The following PCDHGA2 variants were observed in gnomAD, a reference collection of about 807,000 sequenced individuals.
PCDHGA2 encodes protocadherin gamma-A2.
PCDHGA2 carries 40 observed loss-of-function variants against 59.2 expected under a neutral mutation model. The ratio of observed to expected loss-of-function variants is 0.68; its 90% CI spans 0.52 to 0.88. The LOEUF (loss-of-function observed/expected upper bound fraction) is 0.88, where lower values mean the gene tolerates loss of function less well. Ranked by LOEUF, PCDHGA2 falls within the 40% of genes least tolerant of loss-of-function variation. The pLI is 0.00. For missense variants in PCDHGA2, 1,226 were observed against 1,204.0 expected, an observed-to-expected ratio of 1.02 and a Z score of -0.27; for synonymous variants, 560 against 526.0, an observed-to-expected ratio of 1.06 and a Z score of -0.89.
chr5:141,449,471 G>A (rs1261821886), intron 1 of PCDHGA2, among the ~76,000 whole-genome samples: 1 of 151,060 alleles, frequency 6.6e-6, no homozygotes, highest in African/African-American at 2.4e-5. Flanking sequence ...GCCAGGCCTG[G>A]TACCCCATGC....
chr5:141,344,127 C>A (rs780910092), intron 1 of PCDHGA2: 3 of 1,614,022 alleles, frequency 1.9e-6, no homozygotes, highest in East Asian at 2.2e-5. Flanking sequence ...CGGTCAGATC[C>A]GCTACTCGGT....
intron 1 of PCDHGA2, chr5:141,410,095 C>T (rs2095356889): frequency 1.2e-6 from 2 of 1,612,676 alleles, no homozygotes; most frequent in Non-Finnish European, 1.7e-6. Flanking sequence ...CGGCTCGAGC[C>T]TTAGGCGACA....
At chr5:141,387,637 G>A (rs1397986235) in intron 1 of PCDHGA2, 14 of 603,144 alleles carry the variant, frequency 2.3e-5, no homozygotes, top group Non-Finnish European at 3.7e-5. Context: ...GGGCGCCGCT[G>A]TTGGCCAAAG....
chr5:141,414,556 T>G, intron 1 of PCDHGA2: 2 of 1,613,990 alleles, frequency 1.2e-6, no homozygotes, highest in Non-Finnish European at 1.7e-6. Flanking sequence ...TCAAGTCTCC[T>G]ACTTTACCTA....
chr5:141,347,843 A>G (rs544582847), intron 1 of PCDHGA2, among the ~76,000 whole-genome samples: 1 of 152,124 alleles, frequency 6.6e-6, no homozygotes, highest in South Asian at 2.1e-4. Flanking sequence ...TGCCTGTTAC[A>G]TATGCCTAAT....
intron 1 of PCDHGA2, chr5:141,382,901 TGGC>T (rs1204971797): frequency 6.5e-7 from 1 of 1,543,194 alleles, no homozygotes; most frequent in African/African-American, 1.4e-5. Context: ...AGGACGACTA[TGGC>T]GGCTCAGCCG....
intron 1 of PCDHGA2, chr5:141,403,431 C>T: frequency 6.2e-7 from 1 of 1,614,028 alleles, no homozygotes; most frequent in Non-Finnish European, 8.5e-7. Context: ...GCTATTGATC[C>T]GGATGTTGGC....
At chr5:141,507,537 C>CA (rs140454890) in intron 3 of PCDHGA2, among the ~76,000 whole-genome samples, 3,617 of 152,286 alleles carry the variant, frequency 0.024, 53 homozygotes, top group East Asian at 0.043. Context: ...AGGCCAGAGA[C>CA]TGAGTATGAA....
At position 141,485,704 on chromosome 5, in the gene PCDHGA2, CTT is replaced by C; in HGVS notation, c.2425-9101_2425-9100del. On this transcript the variant is annotated intron_variant, in intron 1 of 3. Coordinates refer to ENST00000394576, the MANE Select transcript of PCDHGA2 (RefSeq NM_018915.4). The surrounding 1 kb of genome is among the most constrained non-coding windows in gnomAD (Gnocchi z 5.7). ...GCTATAGGCTGAGCTCCAATGAACA[CTT>C]TGCACTGGATGTGAAGAAGCGCAGC... is the stretch of plus-strand genomic sequence containing the variant. 6.2e-7 allele frequency: 1 copy of C among 1,614,180 alleles called. No homozygotes were observed. The highest frequency in any genetic ancestry group is 8.5e-7 in the Non-Finnish European group (1 of 1,180,032).
chr5:141,361,112 A>C, intron 1 of PCDHGA2: 1 of 1,613,908 alleles, frequency 6.2e-7, no homozygotes, highest in East Asian at 2.2e-5. Flanking sequence ...GATCCTGGAG[A>C]TCTAGCAGCC....
chr5:141,476,770 C>T lies in PCDHGA2; in HGVS notation c.2425-18037C>T, dbSNP rs1452363016. 6.2e-7 allele frequency: 1 copy of T among 1,613,568 alleles called. No homozygotes were observed. The highest frequency in any genetic ancestry group is 8.5e-7 in the Non-Finnish European group (1 of 1,180,020). ...TCCAGTTAGTGCTGACGGCGTTGGA[C>T]GGAGGGACCCCAGCTCTCTCCGCCA... On this transcript the variant is annotated intron_variant, in intron 1 of 3. Coordinates refer to ENST00000394576, the MANE Select transcript of PCDHGA2 (RefSeq NM_018915.4). This position sits in a 1 kb window ranked among gnomAD's most constrained non-coding sequence, Gnocchi z 7.6.
At chr5:141,383,963 C>G (rs967868907) in intron 1 of PCDHGA2, 1 of 1,613,480 alleles carries the variant, frequency 6.2e-7, no homozygotes, top group South Asian at 1.1e-5. Flanking sequence ...TTAAGTAGCT[C>G]AATCCCTGAA....
chr5:141,357,757 G>C (rs932647509), intron 1 of PCDHGA2: 1 of 1,061,794 alleles, frequency 9.4e-7, no homozygotes, highest in African/African-American at 1.6e-5. Flanking sequence ...AAAACTGGTG[G>C]ATGACCTTCC....
chr5:141,465,786 T>G (rs1236517595), intron 1 of PCDHGA2, among the ~76,000 whole-genome samples: 1 of 152,136 alleles, frequency 6.6e-6, no homozygotes, highest in Non-Finnish European at 1.5e-5. Flanking sequence ...ACAGTTTTTT[T>G]TTTTTTAAGA....
At chr5:141,344,802 G>C (rs377526962) in intron 1 of PCDHGA2, 1 of 1,613,982 alleles carries the variant, frequency 6.2e-7, no homozygotes, top group Non-Finnish European at 8.5e-7. Context: ...GAACGTGCCT[G>C]TGGGTACCCG....
At position 141,387,719 on chromosome 5, in the gene PCDHGA2, C is replaced by T. The variant is rs953272587; in HGVS notation, c.2424+46324C>T. The T allele has an allele frequency of 4.5e-6, 5 of 1,115,502 alleles. No homozygotes were observed. In the African/African-American group the frequency reaches 4.7e-5, roughly 11 times the overall value. 69.1% of individuals were successfully genotyped at this position (1,115,502 alleles called of 1,614,324 possible). On this transcript the variant is annotated intron_variant, in intron 1 of 3. Transcript: ENST00000394576. The stretch of plus-strand genomic sequence containing the variant: ...TTCCAGGGCAGCCCCAGCTCAGACT[C>T]CCCAGCGCCAGCCTTTACACCGCTT...
chr5:141,346,067 C>T (rs1356766672), intron 1 of PCDHGA2: 2 of 1,613,488 alleles, frequency 1.2e-6, no homozygotes, highest in Non-Finnish European at 8.5e-7. Flanking sequence ...TGGGCAGCCT[C>T]GAGCCCTCCG....
chr5:141,358,683 C>T (rs1760990100), intron 1 of PCDHGA2, among the ~76,000 whole-genome samples: 1 of 152,122 alleles, frequency 6.6e-6, no homozygotes, highest in Non-Finnish European at 1.5e-5. Context: ...AATTGCTTAT[C>T]ATGACATCAC....
At chr5:141,402,597 T>G (rs1268830791) in intron 1 of PCDHGA2, among the ~76,000 whole-genome samples, 1 of 152,254 alleles carries the variant, frequency 6.6e-6, no homozygotes, top group African/African-American at 2.4e-5. Context: ...TAGATTGCTT[T>G]TGAAATACAA....
Sources: gnomAD v4.1 joint callset for allele counts (sites outside exome capture counted in the v4.1 genomes callset) on GRCh38, gnomAD v4.1.1 for gene constraint, Gnocchi (gnomAD v3.1) non-coding constraint, MANE v1.5 for transcripts, NCBI Gene and HGNC (gene_info 2026-07-23, HGNC 2026-07-21) for gene names.